The following TTLL5 variants were observed in gnomAD, a reference collection of about 807,000 sequenced individuals.
The protein encoded by TTLL5 is tubulin tyrosine ligase like 5.
TTLL5 carries 132 observed loss-of-function variants against 168.4 expected under a neutral mutation model. The ratio of observed to expected loss-of-function variants is 0.78; its 90% confidence interval spans 0.68 to 0.91. The LOEUF is 0.91. TTLL5 is among the 40% of genes least tolerant of loss of function. TTLL5 has a pLI of 0.00. For missense variants in TTLL5, 1,545 were observed against 1,581.5 expected, an observed-to-expected ratio of 0.98 and a Z score of 0.39; for synonymous variants, 546 against 558.6, an observed-to-expected ratio of 0.98 and a Z score of 0.32.
At chr14:75,925,670 A>G (rs748021992) in intron 31 of TTLL5, among the ~76,000 whole-genome samples, 23 of 152,000 alleles carry the variant, frequency 1.5e-4, no homozygotes, top group Non-Finnish European at 2.9e-4. Flanking sequence ...AGAGGCTGCA[A>G]TCTCGGCACT....
chr14:75,818,350 CT>C (rs1225238737), intron 27 of TTLL5, among the ~76,000 whole-genome samples: 56 of 152,088 alleles, frequency 3.7e-4, no homozygotes, highest in Non-Finnish European at 4.6e-4. Context: ...TCAGGAATGT[CT>C]TTTCACTTGT....
intron 26 of TTLL5, among the ~76,000 whole-genome samples, chr14:75,788,189 A>G (rs1477542290): frequency 6.6e-6 from 1 of 152,166 alleles, no homozygotes; most frequent in Non-Finnish European, 1.5e-5. Context: ...CAGGCTGGAA[A>G]TTAATGTGCT....
intron 18 of TTLL5, among the ~76,000 whole-genome samples, chr14:75,761,121 G>A (rs1287364747): frequency 6.6e-6 from 1 of 152,088 alleles, no homozygotes; most frequent in Non-Finnish European, 1.5e-5. Flanking sequence ...TAGCCAATAT[G>A]CTTATGAAAA....
At chr14:75,726,000 A>C (rs1888166798) in intron 12 of TTLL5, among the ~76,000 whole-genome samples, 1 of 152,180 alleles carries the variant, frequency 6.6e-6, no homozygotes, top group East Asian at 1.9e-4. Context: ...GGTAAAAAGA[A>C]TTTCCTTCAT....
chr14:75,762,904 C>T (rs147793091), intron 18 of TTLL5, among the ~76,000 whole-genome samples: 141 of 152,106 alleles, frequency 9.3e-4, no homozygotes, highest in African/African-American at 3.0e-3. Flanking sequence ...AACAGTGGTT[C>T]GTGAACGTAA....
At chr14:75,790,998 C>T (rs967784885) in intron 26 of TTLL5, among the ~76,000 whole-genome samples, 4 of 145,860 alleles carry the variant, frequency 2.7e-5, no homozygotes, top group East Asian at 2.0e-4. Flanking sequence ...CCCAGCTACT[C>T]GGGAGGCTGA....
chr14:75,796,445 A>G (rs778275862), intron 27 of TTLL5, among the ~76,000 whole-genome samples: 2 of 152,056 alleles, frequency 1.3e-5, no homozygotes, highest in Non-Finnish European at 2.9e-5. Context: ...CTATCTATTT[A>G]TCTTTGTTTT....
Position 75,699,216 on chromosome 14 carries a change from G to T in TTLL5, c.531G>T (p.Trp177Cys). Reference protein sequence around the residue: ...CNSYSKDRGPWIVKPVASSRG... With the variant: ...CNSYSKDRGPCIVKPVASSRG... ...CATATTCGAAGGACCGGGGACCTTGGATAGTAAAACCAGTGGCATCTTCAA... is the reference window on the plus strand; with the variant it reads ...CATATTCGAAGGACCGGGGACCTTGTATAGTAAAACCAGTGGCATCTTCAA... The change falls in exon 7 of 32, where the codon TGG (tryptophan) becomes TGT (cysteine). Residue 177 changes from tryptophan (W) to cysteine (C), a missense_variant. Physicochemically the swap from Trp to Cys is radical, Grantham distance 215. Coordinates refer to ENST00000298832, the MANE Select transcript of TTLL5 (RefSeq NM_015072.5). The T allele has an allele frequency of 6.2e-7, 1 of 1,613,958 alleles. No individual in the cohort carries two copies. Among genetic ancestry groups the T allele is most frequent in the Non-Finnish European group, 8.5e-7 (1 of 1,179,926 alleles).
chr14:75,793,069 C>A lies in TTLL5; in HGVS notation c.3140C>A (p.Pro1047Gln). 6.2e-7 allele frequency: 1 copy of A among 1,612,674 alleles called. No homozygotes were observed. Among genetic ancestry groups the A allele is most frequent in the Non-Finnish European group, 8.5e-7 (1 of 1,179,148 alleles). ...AEKQAARQYSPSSHINLLTQQ... is the reference protein window; with the variant it reads ...AEKQAARQYSQSSHINLLTQQ... ...AAGCAGGCAGCGAGACAGTATTCTC[C>A]ATCCAGCCACATCAACCTCCTCACC... Residue 1047 changes from proline to glutamine, a missense_variant, in exon 27 of 32, where the codon CCA becomes CAA. Physicochemically the swap from Pro to Gln is moderately conservative, Grantham distance 76. Coordinates refer to ENST00000298832, the MANE Select transcript of TTLL5 (RefSeq NM_015072.5).
Position 75,783,452 on chromosome 14 carries a change from A to T in TTLL5, c.2908A>T (p.Ile970Phe), listed in dbSNP as rs553570801. The T allele has an allele frequency of 1.2e-6, 2 of 1,614,140 alleles. No homozygotes were observed. The highest frequency in any genetic ancestry group is 4.5e-5 in the East Asian group (2 of 44,878). ...LPRCRSGSHT[I>F]GPFSSFQSAA... ...ACGCTGTCGATCAGGAAGTCACACCATTGGTCCCTTTTCTTCCTTCCAAAG... is the reference window on the plus strand; with the variant it reads ...ACGCTGTCGATCAGGAAGTCACACCTTTGGTCCCTTTTCTTCCTTCCAAAG... The change falls in exon 26 of 32, where the codon ATT becomes TTT. Residue 970 changes from isoleucine (I) to phenylalanine (F), a missense_variant. Coordinates refer to ENST00000298832, the MANE Select transcript of TTLL5 (RefSeq NM_015072.5).
At chr14:75,845,109 T>C (rs1243350321) in intron 28 of TTLL5, among the ~76,000 whole-genome samples, 1 of 152,200 alleles carries the variant, frequency 6.6e-6, no homozygotes, top group Non-Finnish European at 1.5e-5. Context: ...GCTTCCTTGA[T>C]TTTTCTCCAT....
chr14:75,878,441 G>A (rs1169329561), intron 29 of TTLL5, among the ~76,000 whole-genome samples: 2 of 152,152 alleles, frequency 1.3e-5, no homozygotes, highest in Non-Finnish European at 2.9e-5. Flanking sequence ...GTGGGAAGAA[G>A]AACAGGGAAC....
chr14:75,935,545 T>C (rs2034409826), intron 31 of TTLL5, among the ~76,000 whole-genome samples: 1 of 152,176 alleles, frequency 6.6e-6, no homozygotes, highest in African/African-American at 2.4e-5. Context: ...AGATGGATGG[T>C]GGGAGGATCC....
chr14:75,678,341 A>ATACATTAT (rs1440622132), intron 3 of TTLL5, among the ~76,000 whole-genome samples: 1 of 152,198 alleles, frequency 6.6e-6, no homozygotes, highest in African/African-American at 2.4e-5. Context: ...GCATGCCCTA[A>ATACATTAT]TACATTATTC....
intron 3 of TTLL5, among the ~76,000 whole-genome samples, chr14:75,677,352 C>T (rs1884242018): frequency 6.7e-6 from 1 of 150,086 alleles, no homozygotes; most frequent in Non-Finnish European, 1.5e-5. Flanking sequence ...GGTTTGAACC[C>T]TAGTTTGATT....
At chr14:75,757,661 A>T (rs1310598983) in intron 18 of TTLL5, among the ~76,000 whole-genome samples, 2 of 152,126 alleles carry the variant, frequency 1.3e-5, no homozygotes, top group South Asian at 4.2e-4. Flanking sequence ...CTACTCTTTT[A>T]TGAGAATGTT....
rs1891670149 is a variant in TTLL5 at position 75,775,607 on chromosome 14, G to GA, written c.2261dup (p.Asp754GlufsTer15). 1 of 1,614,120 alleles carries GA rather than the reference G, an allele frequency of 6.2e-7. No homozygotes were observed. The highest frequency in any genetic ancestry group is 8.5e-7 in the Non-Finnish European group (1 of 1,179,990). On this transcript the variant is annotated frameshift_variant, in exon 22 of 32. Transcript: ENST00000298832. LOFTEE classifies it high-confidence loss of function. ...AAGAATCCTGGCCCACCAGCTGGGT[G>GA]ACTTTATCATTGTATACAACAAGGT...
intron 28 of TTLL5, among the ~76,000 whole-genome samples, chr14:75,854,907 T>G (rs754190811): frequency 2.9e-4 from 44 of 152,202 alleles, no homozygotes; most frequent in Non-Finnish European, 5.6e-4. Context: ...AGAAATCCTT[T>G]GTCACATATA....
chr14:75,818,721 G>A (rs558877120), intron 27 of TTLL5, among the ~76,000 whole-genome samples: 8 of 149,238 alleles, frequency 5.4e-5, no homozygotes, highest in East Asian at 2.0e-4. Context: ...GGCTGGTCTC[G>A]GTCTCCTAAC....
Sources: gnomAD v4.1 joint callset for allele counts (sites outside exome capture counted in the v4.1 genomes callset) on GRCh38, gnomAD v4.1.1 for gene constraint, MANE v1.5 for transcripts, NCBI Gene and HGNC (gene_info 2026-07-23, HGNC 2026-07-21) for gene names.